IL23R: variants seen among roughly 807,000 people sequenced by gnomAD.
IL23R encodes interleukin-23 receptor.
Under a neutral mutation model 56.9 loss-of-function variants are expected in IL23R, and 34 were observed. The ratio of observed to expected loss-of-function variants is 0.60; its 90% CI spans 0.45 to 0.80. IL23R has a LOEUF of 0.80. Among genes scored for constraint, IL23R ranks in the 30% least tolerant of loss-of-function variants. The probability of loss-of-function intolerance (pLI) is 0.00; values close to 1 mark genes in which losing one functional copy is unlikely to be tolerated. For synonymous variants in IL23R, 230 were observed against 249.2 expected, an observed-to-expected ratio of 0.92 and a Z score of 0.73; for missense variants, 635 against 730.0, an observed-to-expected ratio of 0.87 and a Z score of 1.50.
intron 4 of IL23R, among the ~76,000 whole-genome samples, chr1:67,191,874 C>T (rs1229317370): frequency 6.6e-6 from 1 of 152,168 alleles, no homozygotes; most frequent in Non-Finnish European, 1.5e-5. Context: ...GCTGCTCCTC[C>T]CACCTTCCTG....
chr1:67,247,058 A>T (rs1362367891), intron 9 of IL23R, among the ~76,000 whole-genome samples: 1 of 151,906 alleles, frequency 6.6e-6, no homozygotes, highest in Non-Finnish European at 1.5e-5. Context: ...TCCTTTTATC[A>T]TTATGTAATG....
At chr1:67,196,259 T>C (rs1648145920) in intron 4 of IL23R, 1 of 152,204 alleles carries the variant, frequency 6.6e-6, no homozygotes. Flanking sequence ...TAAGAATGTA[T>C]ATGGCTGAGC....
At chr1:67,188,976 C>T (rs1421708611) in intron 4 of IL23R, among the ~76,000 whole-genome samples, 2 of 151,928 alleles carry the variant, frequency 1.3e-5, no homozygotes, top group Non-Finnish European at 2.9e-5. Flanking sequence ...TAAGGGAAAC[C>T]TGACCGATTT....
intron 6 of IL23R, among the ~76,000 whole-genome samples, chr1:67,210,824 A>G (rs1008908963): frequency 1.3e-5 from 2 of 152,230 alleles, no homozygotes; most frequent in Middle Eastern, 3.4e-3. Flanking sequence ...ACCAGTTTTC[A>G]GCGCGTTAAA....
chr1:67,261,580 C>A (rs990787543), downstream of IL23R, among the ~76,000 whole-genome samples: 1 of 151,898 alleles, frequency 6.6e-6, no homozygotes, highest in East Asian at 1.9e-4. Context: ...ATCTTAAATA[C>A]CTTGACTTGT....
chr1:67,165,487 A>C (rs1022905574), upstream of IL23R, among the ~76,000 whole-genome samples: 13 of 152,216 alleles, frequency 8.5e-5, no homozygotes, highest in African/African-American at 3.1e-4. Flanking sequence ...CCACAGAATG[A>C]AATCAGCACC....
intron 1 of IL23R, among the ~76,000 whole-genome samples, chr1:67,142,634 C>T (rs1250171772): frequency 1.3e-5 from 2 of 152,120 alleles, no homozygotes; most frequent in African/African-American, 2.4e-5. Context: ...GGTATGATCT[C>T]GGCTCACTGC....
At chr1:67,198,511 G>C (rs936071787) in intron 4 of IL23R, among the ~76,000 whole-genome samples, 1 of 152,172 alleles carries the variant, frequency 6.6e-6, no homozygotes, top group Non-Finnish European at 1.5e-5. Flanking sequence ...AATATGCTTT[G>C]AAATGATACT....
intron 1 of IL23R, among the ~76,000 whole-genome samples, chr1:67,159,349 C>T (rs995524724): frequency 1.4e-4 from 21 of 152,016 alleles, no homozygotes; most frequent in African/African-American, 5.1e-4. Flanking sequence ...CTCTCTCCTG[C>T]CACCATGTGA....
At chr1:67,217,651 C>G (rs1212664234) in intron 6 of IL23R, among the ~76,000 whole-genome samples, 2 of 150,782 alleles carry the variant, frequency 1.3e-5, no homozygotes, top group Non-Finnish European at 1.5e-5. Flanking sequence ...CAGAAAATTT[C>G]CAGGGCCATG....
intron 6 of IL23R, among the ~76,000 whole-genome samples, chr1:67,207,388 G>A (rs1558243875): frequency 6.6e-6 from 1 of 152,068 alleles, no homozygotes; most frequent in Non-Finnish European, 1.5e-5. Flanking sequence ...GGTCCCCAGT[G>A]TCTATTATTG....
In IL23R at chr1:67,235,269, A is replaced by G. The variant is rs535018220; in HGVS notation, c.956-1444A>G. 2.0e-4 allele frequency among the ~76,000 whole-genome samples: 30 copies of G among 152,328 alleles called. 1 individual carries two copies. The highest frequency in any genetic ancestry group is 7.8e-4 in the Admixed American group (12 of 15,296). On this transcript the variant is annotated intron_variant, in intron 7 of 10. Transcript: ENST00000347310. ...CTCTTGCTGTAGAGAAGCCAGGACA[A>G]AAAACACGGGAAATAACTTTTGGCT...
At chr1:67,215,811 C>T (rs1464508616) in intron 6 of IL23R, among the ~76,000 whole-genome samples, 2 of 152,192 alleles carry the variant, frequency 1.3e-5, no homozygotes, top group Non-Finnish European at 2.9e-5. Flanking sequence ...CTGAAAATGT[C>T]TCTCCTCTTG....
At chr1:67,236,442 A>T (rs1651477944) in intron 7 of IL23R, among the ~76,000 whole-genome samples, 1 of 152,252 alleles carries the variant, frequency 6.6e-6, no homozygotes, top group African/African-American at 2.4e-5. Context: ...TAGAAGCCTC[A>T]TGAAATTAGT....
intron 1 of IL23R, among the ~76,000 whole-genome samples, chr1:67,150,098 T>A (rs1646714661): frequency 6.6e-6 from 1 of 152,146 alleles, no homozygotes. Flanking sequence ...ATCTAATTTC[T>A]TGGTAATCCC....
chr1:67,212,118 C>T (rs1649519577), intron 6 of IL23R, among the ~76,000 whole-genome samples: 2 of 151,988 alleles, frequency 1.3e-5, no homozygotes, highest in African/African-American at 2.4e-5. Context: ...GTCTCCTCCA[C>T]CATTATTTTT....
At position 67,171,320 on chromosome 1, in the gene IL23R, G is replaced by C. The variant is rs74080125; in HGVS notation, c.367+1682G>C. Among the ~76,000 whole-genome samples the C allele has an allele frequency of 2.5e-3, 376 of 152,280 alleles. 1 individual carries two copies. The highest frequency in any genetic ancestry group is 8.3e-3 in the African/African-American group (344 of 41,562). On this transcript the variant is annotated intron_variant, in intron 3 of 10. Transcript: ENST00000347310. ...TTCAGCAAATTTAGTTTTTAGATCT[G>C]ATAGGTTTTTATGTGTGATTCATGA...
At position 67,255,586 on chromosome 1, in the gene IL23R, G is replaced by A. The variant is rs534800538; in HGVS notation, c.1149-251G>A. 1.3e-4 allele frequency among the ~76,000 whole-genome samples: 20 copies of A among 151,990 alleles called. No homozygotes were observed. The South Asian group carries it at 3.7e-3, about 28-fold the overall frequency. Reference sequence around the variant, plus strand: ...CCCAAGTAGCTGGGACCACAGGCATGCACCACCACACCCAGCTAATTTTTT... The same window carrying A: ...CCCAAGTAGCTGGGACCACAGGCATACACCACCACACCCAGCTAATTTTTT... On this transcript the variant is annotated intron_variant, in intron 9 of 10. Transcript: ENST00000347310.
At chr1:67,188,606 C>G (rs1350705353) in intron 4 of IL23R, among the ~76,000 whole-genome samples, 2 of 152,092 alleles carry the variant, frequency 1.3e-5, no homozygotes, top group African/African-American at 2.4e-5. Flanking sequence ...TGTCTTAGTC[C>G]CTTCAGGTGA....
Sources: allele counts gnomAD v4.1 joint callset (sites outside exome capture counted in the v4.1 genomes callset), GRCh38; gene constraint gnomAD v4.1.1; transcripts MANE v1.5; gene names NCBI Gene and HGNC (gene_info 2026-07-23, HGNC 2026-07-21).